Variants in GNA14 observed in about 807,000 individuals in gnomAD.
GNA14 encodes the protein guanine nucleotide-binding protein subunit alpha-14.
GNA14 carries 50 observed loss-of-function variants against 42.0 expected under a neutral mutation model. That is an observed-to-expected ratio of 1.19 (90% confidence interval 0.95 to 1.51). The LOEUF (loss-of-function observed/expected upper bound fraction) is 1.51, where lower values mean the gene tolerates loss of function less well. Ranked by LOEUF, GNA14 falls within the 40% of genes most tolerant of loss-of-function variation. GNA14 has a pLI of 0.00. For missense variants in GNA14, 473 were observed against 446.2 expected (o/e 1.06, Z -0.54); for synonymous variants, 173 against 163.1 (o/e 1.06, Z -0.46).
chr9:77,498,429 A>C (rs889944479), intron 2 of GNA14, among the ~76,000 whole-genome samples: 14 of 151,906 alleles, frequency 9.2e-5, no homozygotes, highest in African/African-American at 2.4e-4. Flanking sequence ...CAGGGCAAGA[A>C]TTTGGGTCTG....
intron 2 of GNA14, 37 bp from the exon 3 acceptor site, chr9:77,434,559 G>T: frequency 6.3e-7 from 1 of 1,584,870 alleles, no homozygotes; most frequent in Non-Finnish European, 8.6e-7. Flanking sequence ...TCAGGCAAAG[G>T]AAAGGAAGCC....
chr9:77,640,839 G>A (rs1046373998), intron 1 of GNA14, among the ~76,000 whole-genome samples: 1 of 139,812 alleles, frequency 7.2e-6, no homozygotes, highest in African/African-American at 2.8e-5. Context: ...GACGAGCCTG[G>A]GGCATGTTAT....
intron 2 of GNA14, among the ~76,000 whole-genome samples, chr9:77,475,819 G>A (rs184547270): frequency 6.6e-6 from 1 of 152,286 alleles, no homozygotes; most frequent in Non-Finnish European, 1.5e-5. Flanking sequence ...ATCTGGAAAG[G>A]AGACCTACGT....
chr9:77,469,060 A>G (rs950137724), intron 2 of GNA14, among the ~76,000 whole-genome samples: 1 of 152,200 alleles, frequency 6.6e-6, no homozygotes, highest in Non-Finnish European at 1.5e-5. Context: ...AAGGTGCTGC[A>G]TGATTTGTAC....
At chr9:77,609,773 A>G (rs566685147) in intron 1 of GNA14, among the ~76,000 whole-genome samples, 15 of 152,334 alleles carry the variant, frequency 9.8e-5, no homozygotes, top group African/African-American at 3.4e-4. Context: ...GCCCTTTGGC[A>G]TGCTGAGCGC....
intron 1 of GNA14, among the ~76,000 whole-genome samples, chr9:77,585,063 G>A (rs868383814): frequency 9.9e-5 from 15 of 152,158 alleles, no homozygotes; most frequent in Middle Eastern, 3.4e-3. Context: ...TTAGAATGCC[G>A]AACCATCTGG....
chr9:77,524,246 A>G (rs571535493), intron 2 of GNA14, among the ~76,000 whole-genome samples: 71 of 152,268 alleles, frequency 4.7e-4, no homozygotes, highest in Non-Finnish European at 1.2e-4. Flanking sequence ...TTGAAAAAAC[A>G]TGTTAGTTAA....
At chr9:77,539,104 GCTTCAC>G (rs1837630407) in intron 1 of GNA14, among the ~76,000 whole-genome samples, 2 of 152,138 alleles carry the variant, frequency 1.3e-5, no homozygotes, top group Admixed American at 1.3e-4. Flanking sequence ...AGAAGAAAGA[GCTTCAC>G]CTTGTCCCAG....
At chr9:77,624,711 A>G (rs1408531624) in intron 1 of GNA14, among the ~76,000 whole-genome samples, 1 of 152,146 alleles carries the variant, frequency 6.6e-6, no homozygotes, top group Non-Finnish European at 1.5e-5. Context: ...TAACAAACAG[A>G]AAGGAATAGC....
intron 1 of GNA14, among the ~76,000 whole-genome samples, chr9:77,618,601 TATATATATATATATATA>T (rs1823863868): frequency 1.4e-4 from 2 of 14,208 alleles, no homozygotes; most frequent in Non-Finnish European, 2.9e-4. Context: ...TATATATATA[TATATATATATATATATA>T]TATTTTTTTT....
chr9:77,536,653 T>TTA (rs1299808303), intron 1 of GNA14, among the ~76,000 whole-genome samples: 1 of 152,174 alleles, frequency 6.6e-6, no homozygotes, highest in African/African-American at 2.4e-5. Flanking sequence ...CCCTGCCTTA[T>TTA]TAGTCTCTTG....
intron 3 of GNA14, among the ~76,000 whole-genome samples, chr9:77,432,577 G>T (rs1835575264): frequency 2.0e-5 from 3 of 152,128 alleles, no homozygotes; most frequent in Non-Finnish European, 4.4e-5. Context: ...CTAGCTGAGG[G>T]GTTGAAAACC....
rs371353630 is a variant in GNA14, at chr9:77,575,240, G to A, written c.125-45987C>T. On this transcript the variant is annotated intron_variant, in intron 1 of 6. Transcript: ENST00000341700. ...TCATGAAAACTAGACATTATTAGCC[G>A]AGCATGGTGGCACATGCCTGTAATC... 3.7e-4 allele frequency among the ~76,000 whole-genome samples: 57 copies of A among 152,166 alleles called. No individual in the cohort carries two copies. In the East Asian group the frequency reaches 5.4e-3, roughly 14 times the overall value.
intron 2 of GNA14, among the ~76,000 whole-genome samples, chr9:77,523,162 T>C (rs1358503995): frequency 3.3e-5 from 5 of 152,240 alleles, no homozygotes; most frequent in Admixed American, 2.6e-4. Context: ...CGTTTAATTA[T>C]TGTATTTGTC....
At chr9:77,479,864 T>A (rs1437676854) in intron 2 of GNA14, among the ~76,000 whole-genome samples, 1 of 152,092 alleles carries the variant, frequency 6.6e-6, no homozygotes, top group Non-Finnish European at 1.5e-5. Context: ...CTGTTATTGG[T>A]GTATAAGAAT....
intron 2 of GNA14, among the ~76,000 whole-genome samples, chr9:77,461,152 G>A (rs1009296625): frequency 2.6e-5 from 4 of 152,274 alleles, no homozygotes; most frequent in South Asian, 2.1e-4. Context: ...CCAGGCCCCC[G>A]CGGAGGGCTG....
intron 1 of GNA14, among the ~76,000 whole-genome samples, chr9:77,590,656 T>C (rs990781289): frequency 2.7e-5 from 4 of 150,088 alleles, no homozygotes; most frequent in African/African-American, 1.0e-4. Flanking sequence ...AGTAACCTTT[T>C]TGAAGACCCG....
At chr9:77,517,376 C>T (rs914884283) in intron 2 of GNA14, 2 of 151,540 alleles carry the variant, frequency 1.3e-5, no homozygotes, top group Non-Finnish European at 2.9e-5. Flanking sequence ...GAGGGGCCAC[C>T]CATTAATTCA....
chr9:77,517,022 C>T lies in GNA14; in HGVS notation c.309+12047G>A, dbSNP rs989147743. On this transcript the variant is annotated intron_variant, in intron 2 of 6. Transcript: ENST00000341700. ...GCCAAGTGCCTGGTGCAGTTTGGAC[C>T]TTTCTCTGCTAGTGAGAGAGTGGAG... Among the ~76,000 whole-genome samples the T allele has an allele frequency of 4.6e-5, 7 of 152,282 alleles. No individual in the cohort carries two copies. In the East Asian group the frequency reaches 1.2e-3, roughly 25 times the overall value.
Sources: allele counts gnomAD v4.1 joint callset (sites outside exome capture counted in the v4.1 genomes callset), GRCh38; gene constraint gnomAD v4.1.1; transcripts MANE v1.5; gene names NCBI Gene and HGNC (gene_info 2026-07-23, HGNC 2026-07-21).